Variants in SULF1 observed in about 807,000 individuals in gnomAD.
SULF1 encodes extracellular sulfatase Sulf-1.
Under a neutral mutation model 110.5 loss-of-function variants are expected in SULF1, and 46 were observed. The ratio of observed to expected loss-of-function variants is 0.42; its 90% CI spans 0.33 to 0.53. The LOEUF is 0.53. Ranked by LOEUF, SULF1 falls within the 20% of genes least tolerant of loss-of-function variation. SULF1 has a pLI of 0.12. For synonymous variants in SULF1, 371 were observed against 387.1 expected (o/e 0.96, Z 0.49); for missense variants, 941 against 1,094.2 (o/e 0.86, Z 1.98).
Position 69,623,952 on chromosome 8 carries a change from C to G in SULF1, c.1605C>G (p.Pro535=). Residue 535 remains proline, a synonymous_variant, in exon 15 of 23, where the codon CCC becomes CCG. Transcript: ENST00000402687. ...TTCCCTTACTTCTAGAGTACAAGCC[C>G]AGATTTGTCCATACTCGGCAGACAC... ...LRNQGTPKYK[P]RFVHTRQTRS... is the part of the protein sequence containing the mutation. The G allele has an allele frequency of 6.2e-7, 1 of 1,613,310 alleles. No homozygotes were observed. Among genetic ancestry groups the G allele is most frequent in the Non-Finnish European group, 8.5e-7 (1 of 1,179,578 alleles).
chr8:69,633,665 T>C (rs1810759581), intron 19 of SULF1, among the ~76,000 whole-genome samples: 1 of 151,754 alleles, frequency 6.6e-6, no homozygotes, highest in African/African-American at 2.4e-5. Context: ...TTTATTTTAT[T>C]ATTTTTATTT....
Position 69,621,161 on chromosome 8 carries a change from A to G in SULF1, c.1504A>G (p.Lys502Glu). 1.2e-6 allele frequency: 2 copies of G among 1,614,200 alleles called. No homozygotes were observed. Among genetic ancestry groups the G allele is most frequent in the Non-Finnish European group, 1.7e-6 (2 of 1,180,024 alleles). ...LYARGFHDKD[K>E]ECSCRESGYR... ...CGCTCGCGGCTTCCATGACAAAGACAAAGAGTGCAGTTGTAGGGAGTCTGG... is the reference window on the plus strand; with the variant it reads ...CGCTCGCGGCTTCCATGACAAAGACGAAGAGTGCAGTTGTAGGGAGTCTGG... The change falls in exon 14 of 23, where the codon AAA becomes GAA. Residue 502 changes from lysine to glutamate, a missense_variant. By Grantham distance (56) the Lys-to-Glu change is moderately conservative (BLOSUM62 1). Around this residue, in one of 3 missense-constraint regions of SULF1, gnomAD observed 822 missense variants for 934.3 expected, o/e 0.88. Coordinates refer to ENST00000402687, the MANE Select transcript of SULF1 (RefSeq NM_001128205.2).
chr8:69,525,994 G>T (rs1286484960), intron 3 of SULF1, among the ~76,000 whole-genome samples: 1 of 152,106 alleles, frequency 6.6e-6, no homozygotes, highest in African/African-American at 2.4e-5. Context: ...CTATTCTTTG[G>T]ATAGGTTTTA....
intron 19 of SULF1, among the ~76,000 whole-genome samples, chr8:69,636,395 G>C (rs1026281893): frequency 5.9e-5 from 9 of 152,112 alleles, no homozygotes; most frequent in Non-Finnish European, 2.9e-5. Flanking sequence ...AAATTAACTG[G>C]GGGTGGTGGC....
intron 16 of SULF1, 147 bp downstream of exon 16, chr8:69,627,453 C>A: frequency 1.6e-6 from 1 of 643,816 alleles, no homozygotes; most frequent in South Asian, 2.1e-5. Context: ...TTGTCTTTCT[C>A]CAGTGATTTA....
chr8:69,609,689 G>A (rs1808493340), intron 13 of SULF1, among the ~76,000 whole-genome samples: 1 of 152,216 alleles, frequency 6.6e-6, no homozygotes. Flanking sequence ...AAAATTGCAA[G>A]ACAGATTTTC....
At chr8:69,469,705 G>C (rs7813532) in intron 1 of SULF1, among the ~76,000 whole-genome samples, 2,928 of 152,274 alleles carry the variant, frequency 0.019, 101 homozygotes, top group African/African-American at 0.067. Flanking sequence ...AGGGTTAGAG[G>C]TTTGTTTCTT....
intron 15 of SULF1, among the ~76,000 whole-genome samples, chr8:69,626,672 G>A (rs1018712018): frequency 4.6e-5 from 7 of 152,236 alleles, no homozygotes; most frequent in African/African-American, 7.2e-5. Context: ...GCGCAGCGCC[G>A]GTGGGCTGGT....
At chr8:69,554,100 G>A (rs1287164169) in intron 3 of SULF1, among the ~76,000 whole-genome samples, 1 of 152,134 alleles carries the variant, frequency 6.6e-6, no homozygotes, top group African/African-American at 2.4e-5. Context: ...TTACTTGTGG[G>A]GCCCATCATC....
At chr8:69,493,448 T>TACACACACACACACACAC (rs56867664) in intron 1 of SULF1, among the ~76,000 whole-genome samples, 41 of 144,384 alleles carry the variant, frequency 2.8e-4, no homozygotes, top group Middle Eastern at 3.5e-3. Context: ...CACACAACAC[T>TACACACACACACACACAC]ACACACACAC....
At chr8:69,533,124 G>A (rs568193914) in intron 3 of SULF1, among the ~76,000 whole-genome samples, 57 of 152,258 alleles carry the variant, frequency 3.7e-4, no homozygotes, top group Middle Eastern at 3.4e-3. Flanking sequence ...CCAGCTTACC[G>A]ATACCTATTA....
Position 69,586,642 on chromosome 8 carries a change from TA to T in SULF1, c.564+136del, listed in dbSNP as rs1339334901. ...AATGTTAGCATGAGAAATGTTAAGGTAATTTTAAACTCTAGGCAAGGAAAAG... is the reference window on the plus strand; with the variant it reads ...AATGTTAGCATGAGAAATGTTAAGGTATTTTAAACTCTAGGCAAGGAAAAG... On this transcript the variant is annotated intron_variant, in intron 7 of 22. Coordinates refer to ENST00000402687, the MANE Select transcript of SULF1 (RefSeq NM_001128205.2). 6.0e-5 allele frequency: 64 copies of T among 1,064,002 alleles called. 1 individual carries two copies. Among genetic ancestry groups the T allele is most frequent in the Non-Finnish European group, 8.4e-5 (63 of 748,236 alleles). 65.9% of individuals were successfully genotyped at this position (1,064,002 alleles called of 1,614,324 possible).
At chr8:69,588,223 C>G (rs755896445) in intron 7 of SULF1, among the ~76,000 whole-genome samples, 50 of 152,182 alleles carry the variant, frequency 3.3e-4, no homozygotes, top group African/African-American at 9.7e-4. Context: ...ATCAGCCCCC[C>G]CTGACTGTGG....
At chr8:69,599,983 A>G (rs931367649) in intron 8 of SULF1, among the ~76,000 whole-genome samples, 1 of 152,232 alleles carries the variant, frequency 6.6e-6, no homozygotes, top group Admixed American at 6.5e-5. Flanking sequence ...TGATTTGTTT[A>G]TTAAACGAAT....
intron 1 of SULF1, among the ~76,000 whole-genome samples, chr8:69,478,083 G>A (rs1586193496): frequency 6.6e-6 from 1 of 151,956 alleles, no homozygotes; most frequent in African/African-American, 2.4e-5. Flanking sequence ...CAAACCGCTG[G>A]GCTAAAGCAA....
chr8:69,473,752 T>C (rs1809190504), intron 1 of SULF1, among the ~76,000 whole-genome samples: 1 of 152,222 alleles, frequency 6.6e-6, no homozygotes, highest in Admixed American at 6.5e-5. Flanking sequence ...TTTGTTTTGC[T>C]CTATTCTTTT....
intron 3 of SULF1, among the ~76,000 whole-genome samples, chr8:69,536,281 G>C (rs1316290047): frequency 1.3e-5 from 2 of 152,152 alleles, no homozygotes; most frequent in African/African-American, 4.8e-5. Context: ...CAGCTCCTAA[G>C]AAGGGCTTGT....
intron 8 of SULF1, among the ~76,000 whole-genome samples, chr8:69,600,234 A>G (rs536341008): frequency 6.6e-6 from 1 of 152,320 alleles, no homozygotes; most frequent in Non-Finnish European, 1.5e-5. Flanking sequence ...TTATGAGTTA[A>G]CATCATATGA....
At chr8:69,470,826 C>T (rs530697216) in intron 1 of SULF1, among the ~76,000 whole-genome samples, 5 of 152,272 alleles carry the variant, frequency 3.3e-5, no homozygotes, top group Middle Eastern at 3.4e-3. Context: ...CCGCCAAATC[C>T]CCACAACCTC....
Sources: allele counts gnomAD v4.1 joint callset (sites outside exome capture counted in the v4.1 genomes callset), GRCh38; gene constraint gnomAD v4.1.1; regional missense constraint gnomAD v4.1.1; transcripts MANE v1.5; gene names NCBI Gene and HGNC (gene_info 2026-07-23, HGNC 2026-07-21).